ADGRA2: variants seen among roughly 807,000 people sequenced by gnomAD.
The protein encoded by ADGRA2 is adhesion G protein-coupled receptor A2, also known as G-protein coupled receptor 124.
ADGRA2 carries 61 observed loss-of-function variants against 98.7 expected under a neutral mutation model. The ratio of observed to expected loss-of-function variants is 0.62; its 90% confidence interval spans 0.50 to 0.76. The LOEUF is 0.76. Ranked by LOEUF, ADGRA2 falls within the 30% of genes least tolerant of loss-of-function variation. The pLI is 0.00. For missense variants in ADGRA2, 1,712 were observed against 1,860.0 expected (o/e 0.92, Z 1.46); for synonymous variants, 858 against 831.5 (o/e 1.03, Z -0.55).
chr8:37,812,749 C>T (rs189820371), intron 1 of ADGRA2, among the ~76,000 whole-genome samples: 158 of 151,830 alleles, frequency 1.0e-3, no homozygotes, highest in African/African-American at 3.7e-3. Context: ...ACTGCAGCCT[C>T]GAACTCCTGG....
At chr8:37,805,739 C>T (rs917169536) in intron 1 of ADGRA2, among the ~76,000 whole-genome samples, 6 of 151,792 alleles carry the variant, frequency 4.0e-5, no homozygotes, top group Non-Finnish European at 8.8e-5. Flanking sequence ...TGTAGTGGTG[C>T]GCGCCTGTAA....
Position 37,841,821 on chromosome 8 carries a change from G to T in ADGRA2, c.3483G>T (p.Pro1161=). 1 of 1,530,500 alleles carries T rather than the reference G, an allele frequency of 6.5e-7. No homozygotes were observed. Among genetic ancestry groups the T allele is most frequent in the East Asian group, 2.5e-5 (1 of 40,328 alleles). The allele number at this position is 1,530,500 out of a possible 1,614,324, so 94.8% of individuals were successfully genotyped here. A position where few individuals can be genotyped will look rare whatever the true frequency, so the allele number is the denominator to read the frequency against. The change falls in exon 19 of 19, where the codon CCG becomes CCT. Residue 1161 remains proline (P), a synonymous_variant. Transcript: ENST00000412232. This position sits in a 1 kb window ranked among gnomAD's most constrained non-coding sequence, Gnocchi z 5.0. ...CCGGCGGGGAAGGAGAGCCGGAGCC[G>T]GCGGGCACCCGGGGAAACCTCGCCC... The part of the protein sequence containing the change: ...AAAGGEGEPE[P]AGTRGNLAHR...
At position 37,830,862 on chromosome 8, in the gene ADGRA2, G is replaced by A. The variant is rs776295279; in HGVS notation, c.871G>A (p.Asp291Asn). The A allele has an allele frequency of 1.1e-5, 17 of 1,595,036 alleles. No homozygotes were observed. The change falls in exon 7 of 19, where the codon GAT becomes AAT. Residue 291 changes from aspartate to asparagine, a missense_variant. Physicochemically the swap from Asp to Asn is conservative, Grantham distance 23. Transcript: ENST00000412232. The surrounding 1 kb of genome is among the most constrained non-coding windows in gnomAD (Gnocchi z 4.8). ...WYHNRAPVEGDEQAGILLAES... is the reference protein window; with the variant it reads ...WYHNRAPVEGNEQAGILLAES... The stretch of plus-strand genomic sequence containing the variant: ...CCACAACCGAGCCCCTGTGGAGGGT[G>A]ATGAGCAGGCGGGCATCCTCCTGGC...
chr8:37,840,118 C>T lies in ADGRA2; in HGVS notation c.2512-3C>T. The stretch of plus-strand genomic sequence containing the variant: ...CCCCAGCCTCCGTGCCTTGACCCCG[C>T]AGGTGGGCATCACCCTGCACTACTC... On this transcript the variant is annotated splice_region_variant and splice_polypyrimidine_tract_variant and intron_variant, in intron 16 of 18. Coordinates refer to ENST00000412232, the MANE Select transcript of ADGRA2 (RefSeq NM_032777.10). The T allele has an allele frequency of 6.3e-7, 1 of 1,586,780 alleles. No homozygotes were observed.
chr8:37,841,800 C>A lies in ADGRA2; in HGVS notation c.3462C>A (p.Gly1154=), dbSNP rs1227833743. 3 of 1,530,822 alleles carry A rather than the reference C, an allele frequency of 2.0e-6. No homozygotes were observed. The South Asian group carries it at 3.6e-5, about 18-fold the overall frequency. The allele number at this position is 1,530,822 out of a possible 1,614,324, so 94.8% of individuals were successfully genotyped here. Residue 1154 remains glycine, a synonymous_variant, in exon 19 of 19, where the codon GGC becomes GGA. Coordinates refer to ENST00000412232, the MANE Select transcript of ADGRA2 (RefSeq NM_032777.10). The surrounding 1 kb of genome is among the most constrained non-coding windows in gnomAD (Gnocchi z 5.0). ...TGTGCGAGGCGGGGGCGGCGGCCGG[C>A]GGGGAAGGAGAGCCGGAGCCGGCGG... The part of the protein sequence containing the change: ...SQVCEAGAAA[G]GEGEPEPAGT...
At chr8:37,804,615 A>G (rs1423865964) in intron 1 of ADGRA2, among the ~76,000 whole-genome samples, 1 of 152,238 alleles carries the variant, frequency 6.6e-6, no homozygotes, top group Non-Finnish European at 1.5e-5. Context: ...TTCAGCAGCC[A>G]TGAGTTTAGT....
At position 37,797,653 on chromosome 8, in the gene ADGRA2, A is replaced by C; in HGVS notation, c.266+119A>C. ...CCCCCCACTTCAGAGATTTCTGGAC[A>C]GGCCTGGGTTCAGGCCCCCAGAGGG... On this transcript the variant is annotated intron_variant, in intron 1 of 18. Coordinates refer to ENST00000412232, the MANE Select transcript of ADGRA2 (RefSeq NM_032777.10). This position sits in a 1 kb window ranked among gnomAD's most constrained non-coding sequence, Gnocchi z 5.3. The C allele has an allele frequency of 9.7e-7, 1 of 1,033,886 alleles. No homozygotes were observed. The highest frequency in any genetic ancestry group is 1.3e-6 in the Non-Finnish European group (1 of 791,446). 64.0% of individuals were successfully genotyped at this position (1,033,886 alleles called of 1,614,324 possible).
intron 8 of ADGRA2, 91 bp from the exon 9 acceptor site, chr8:37,832,919 A>G: frequency 1.0e-6 from 1 of 974,104 alleles, no homozygotes. Context: ...CCAAGGCCCC[A>G]AGGAGTCCGG....
chr8:37,800,321 G>A (rs1804464412), intron 1 of ADGRA2, among the ~76,000 whole-genome samples: 1 of 152,200 alleles, frequency 6.6e-6, no homozygotes, highest in Non-Finnish European at 1.5e-5. Context: ...AAGGTGAGCT[G>A]CACAGAAGCA....
At chr8:37,818,704 C>G (rs1321276915) in intron 2 of ADGRA2, among the ~76,000 whole-genome samples, 4 of 152,238 alleles carry the variant, frequency 2.6e-5, no homozygotes, top group Non-Finnish European at 5.9e-5. Flanking sequence ...TGCCTGCCCT[C>G]CCGGCCCTTA....
Position 37,829,544 on chromosome 8 carries a change from C to T in ADGRA2, c.539C>T (p.Pro180Leu). The T allele has an allele frequency of 6.2e-7, 1 of 1,612,004 alleles. No homozygotes were observed. The highest frequency in any genetic ancestry group is 8.5e-7 in the Non-Finnish European group (1 of 1,178,060). Reference protein sequence around the residue: ...SLQPGVFDELPALKVVDLGTE... With the variant: ...SLQPGVFDELLALKVVDLGTE... Reference sequence around the variant, plus strand: ...CAACCTGGGGTCTTTGATGAGCTGCCAGCCCTTAAGGTTGTGTGAGTATCT... The same window carrying T: ...CAACCTGGGGTCTTTGATGAGCTGCTAGCCCTTAAGGTTGTGTGAGTATCT... Residue 180 changes from proline (P) to leucine (L), a missense_variant, in exon 5 of 19, where the codon CCA becomes CTA. By Grantham distance (98) the Pro-to-Leu change is moderately conservative. Transcript: ENST00000412232.
intron 1 of ADGRA2, among the ~76,000 whole-genome samples, chr8:37,808,558 CTGTGTGTG>C (rs150292268): frequency 4.8e-5 from 7 of 146,620 alleles, no homozygotes; most frequent in African/African-American, 1.0e-4. Context: ...TTGGATGAAG[CTGTGTGTG>C]TGTGTGTGTG....
rs989194417 is a variant in ADGRA2, at chr8:37,834,230, C to T, written c.1608+102C>T. 6 of 1,120,970 alleles carry T rather than the reference C, an allele frequency of 5.4e-6. No individual in the cohort carries two copies. Among genetic ancestry groups the T allele is most frequent in the Non-Finnish European group, 6.3e-6 (5 of 795,904 alleles). 69.4% of individuals were successfully genotyped at this position (1,120,970 alleles called of 1,614,324 possible). ...TGCCCCAGCTAGCAAGAGCAGCAGA[C>T]GTGACAAAGTTCTGAGCCATGGGGT... On this transcript the variant is annotated intron_variant, in intron 11 of 18. Coordinates refer to ENST00000412232, the MANE Select transcript of ADGRA2 (RefSeq NM_032777.10). This position sits in a 1 kb window ranked among gnomAD's most constrained non-coding sequence, Gnocchi z 4.2.
In ADGRA2 at chr8:37,802,511, C is replaced by T. The variant is rs959168315; in HGVS notation, c.266+4977C>T. ...AGGCCAGAGACAGAGAAGGCCAGAG[C>T]AAGCCCAGAGACTCCAGCACCCACT... On this transcript the variant is annotated intron_variant, in intron 1 of 18. Transcript: ENST00000412232. This position sits in a 1 kb window ranked among gnomAD's most constrained non-coding sequence, Gnocchi z 4.7. 7.2e-5 allele frequency among the ~76,000 whole-genome samples: 11 copies of T among 152,152 alleles called. No individual in the cohort carries two copies. Among genetic ancestry groups the T allele is most frequent in the African/African-American group, 2.7e-4 (11 of 41,432 alleles).
rs560452193 is a variant in ADGRA2 at position 37,828,205 on chromosome 8, G to A, written c.339-683G>A. Among the ~76,000 whole-genome samples, 10 of 152,164 alleles carry A rather than the reference G, an allele frequency of 6.6e-5. No homozygotes were observed. The South Asian group carries it at 1.9e-3, about 28-fold the overall frequency. The stretch of plus-strand genomic sequence containing the variant: ...CCCCTCCCCTGCCCACAAAGGCCAG[G>A]CTCAAGAAGCTTCTACCTTTGCATA... On this transcript the variant is annotated intron_variant, in intron 2 of 18. Transcript: ENST00000412232.
intron 2 of ADGRA2, among the ~76,000 whole-genome samples, chr8:37,816,603 C>T (rs1804989412): frequency 1.3e-5 from 2 of 149,024 alleles, no homozygotes; most frequent in South Asian, 4.3e-4. Flanking sequence ...AACACACACA[C>T]ACACACACAC....
At chr8:37,823,225 A>C (rs920484150) in intron 2 of ADGRA2, among the ~76,000 whole-genome samples, 2 of 128,010 alleles carry the variant, frequency 1.6e-5, no homozygotes, top group Admixed American at 9.1e-5. Context: ...ACAGGGTCTC[A>C]CTCTGGCGCC....
chr8:37,844,584 A>G lies in ADGRA2; in HGVS notation c.*2229A>G, dbSNP rs1281773586. 5.0e-6 allele frequency: 8 copies of G among 1,614,032 alleles called. No homozygotes were observed. Among genetic ancestry groups the G allele is most frequent in the Non-Finnish European group, 6.8e-6 (8 of 1,180,002 alleles). ...CTGAGGGGTACGCAAATACTGTTCT[A>G]TTTCACTATCAGAAATGTTCTCATC... is the stretch of plus-strand genomic sequence containing the variant. On this transcript the variant is annotated 3_prime_UTR_variant, in exon 19 of 19. Transcript: ENST00000412232.
chr8:37,799,054 G>T (rs118014737), intron 1 of ADGRA2, among the ~76,000 whole-genome samples: 1 of 152,200 alleles, frequency 6.6e-6, no homozygotes, highest in African/African-American at 2.4e-5. Context: ...ACAGTCGGTA[G>T]CGTCTGCGTG....
Sources: allele counts gnomAD v4.1 joint callset (sites outside exome capture counted in the v4.1 genomes callset), GRCh38; gene constraint gnomAD v4.1.1; non-coding constraint Gnocchi (gnomAD v3.1); transcripts MANE v1.5; gene names NCBI Gene and HGNC (gene_info 2026-07-23, HGNC 2026-07-21).